Variants in OCA2 observed in about 807,000 individuals in gnomAD.
OCA2 encodes P protein.
A neutral mutation model predicts 100.2 loss-of-function variants in OCA2; 77 were observed. The observed-to-expected ratio is 0.77, with a 90% CI of 0.64 to 0.93. OCA2 has a LOEUF of 0.93. Among genes scored for constraint, OCA2 ranks in the 40% least tolerant of loss-of-function variants. The probability of loss-of-function intolerance (pLI) is 0.00; values close to 1 mark genes in which losing one functional copy is unlikely to be tolerated. For synonymous variants in OCA2, 432 were observed against 439.2 expected (o/e 0.98, Z 0.21); for missense variants, 1,062 against 1,089.1 (o/e 0.98, Z 0.35).
the OCA2 span, among the ~76,000 whole-genome samples, chr15:27,748,480 C>T: frequency 6.6e-6 from 1 of 152,322 alleles, no homozygotes; most frequent in African/African-American, 2.4e-5. Flanking sequence ...ATGGCATCAG[C>T]TCCCAAAACT....
intron 11 of OCA2, among the ~76,000 whole-genome samples, chr15:27,989,317 A>ATT (rs3214781): frequency 2.0e-4 from 30 of 151,982 alleles, no homozygotes; most frequent in African/African-American, 2.7e-4. Context: ...GGGATAGTCC[A>ATT]TTTTTTTTAT....
At chr15:28,003,342 G>A (rs946993646) in intron 9 of OCA2, among the ~76,000 whole-genome samples, 4 of 152,206 alleles carry the variant, frequency 2.6e-5, no homozygotes, top group African/African-American at 9.7e-5. Context: ...CTGCTTTCGC[G>A]TGACTGTATC....
intron 18 of OCA2, among the ~76,000 whole-genome samples, chr15:27,929,732 CATCT>C (rs1340558301): frequency 6.6e-5 from 10 of 151,514 alleles, no homozygotes; most frequent in African/African-American, 2.4e-4. Context: ...ATTTCCAAAT[CATCT>C]ATCTGATAAA....
At chr15:28,027,211 C>T (rs921532912) in intron 4 of OCA2, among the ~76,000 whole-genome samples, 1 of 152,218 alleles carries the variant, frequency 6.6e-6, no homozygotes, top group East Asian at 1.9e-4. Flanking sequence ...CATGCGCGCC[C>T]TAGGCCTACA....
chr15:27,726,156 G>T, the OCA2 span, among the ~76,000 whole-genome samples: 1 of 151,828 alleles, frequency 6.6e-6, no homozygotes, highest in Non-Finnish European at 1.5e-5. Flanking sequence ...AAAATAGCTG[G>T]GCGTGGTGGC....
rs143792628 is a variant in OCA2 at position 27,862,297 on chromosome 15, C to G, written c.2244+8857G>C. On this transcript the variant is annotated intron_variant, in intron 21 of 23. Transcript: ENST00000354638. ...GTCAGCCTCAAGTCCTCACAGAAAG[C>G]GTGGTCATCAGCCTCGAGTCCTCAC... 1.1e-3 allele frequency among the ~76,000 whole-genome samples: 173 copies of G among 152,224 alleles called. 1 individual carries two copies. Among genetic ancestry groups the G allele is most frequent in the African/African-American group, 3.7e-3 (153 of 41,508 alleles).
chr15:27,783,492 G>A (rs184372348), intron 23 of OCA2, among the ~76,000 whole-genome samples: 1 of 152,284 alleles, frequency 6.6e-6, no homozygotes, highest in East Asian at 1.9e-4. Context: ...TGGAAGTGAG[G>A]TGTTGATGCA....
chr15:28,033,998 A>G (rs1405145614), intron 2 of OCA2, among the ~76,000 whole-genome samples: 2 of 152,124 alleles, frequency 1.3e-5, no homozygotes, highest in African/African-American at 2.4e-5. Flanking sequence ...CATGCAATGT[A>G]GATTAAAAGA....
At chr15:27,921,528 C>T (rs1334619208) in intron 19 of OCA2, among the ~76,000 whole-genome samples, 1 of 150,160 alleles carries the variant, frequency 6.7e-6, no homozygotes, top group Non-Finnish European at 1.5e-5. Flanking sequence ...TACACACAAA[C>T]ACACACACAC....
intron 2 of OCA2, among the ~76,000 whole-genome samples, chr15:28,070,565 G>A (rs2044222813): frequency 2.1e-5 from 3 of 146,270 alleles, no homozygotes; most frequent in Admixed American, 6.7e-5. Flanking sequence ...CGCCCGGCCA[G>A]CCGCCCCGTC....
the OCA2 span, among the ~76,000 whole-genome samples, chr15:27,733,228 T>C: frequency 6.6e-6 from 1 of 152,228 alleles, no homozygotes; most frequent in Admixed American, 6.5e-5. Flanking sequence ...AAAGTTCATA[T>C]CTTCTTTCAG....
At chr15:27,849,916 C>T (rs749465655) in intron 22 of OCA2, among the ~76,000 whole-genome samples, 2 of 152,164 alleles carry the variant, frequency 1.3e-5, no homozygotes. Flanking sequence ...CCCAACACAA[C>T]TGCACTCCTG....
chr15:28,055,732 C>G (rs112725723), intron 2 of OCA2, among the ~76,000 whole-genome samples: 2 of 152,188 alleles, frequency 1.3e-5, no homozygotes, highest in African/African-American at 4.8e-5. Context: ...GCTCCCTCAC[C>G]TGCAGCCTCC....
intron 19 of OCA2, among the ~76,000 whole-genome samples, chr15:27,884,966 G>A (rs1041053637): frequency 6.9e-6 from 1 of 144,324 alleles, no homozygotes; most frequent in Non-Finnish European, 1.5e-5. Flanking sequence ...GAGGACAACC[G>A]TGCCCTTCAC....
intron 14 of OCA2, among the ~76,000 whole-genome samples, chr15:27,976,702 T>C (rs1278654143): frequency 1.3e-5 from 2 of 152,212 alleles, no homozygotes; most frequent in Non-Finnish European, 2.9e-5. Flanking sequence ...TATCTATAGT[T>C]GCCTTTTCTC....
intron 1 of OCA2, among the ~76,000 whole-genome samples, chr15:28,086,087 G>T (rs2044771534): frequency 1.3e-5 from 2 of 152,136 alleles, no homozygotes; most frequent in Admixed American, 6.5e-5. Context: ...GTTGCTGAGT[G>T]CTAGGGAGTT....
chr15:27,941,750 G>A (rs574271761), intron 18 of OCA2, among the ~76,000 whole-genome samples: 12 of 152,262 alleles, frequency 7.9e-5, no homozygotes, highest in Admixed American at 5.9e-4. Context: ...ATTCAAATGG[G>A]CAAAAATGCT....
intron 14 of OCA2, among the ~76,000 whole-genome samples, chr15:27,968,470 G>C (rs777970735): frequency 2.6e-4 from 40 of 152,254 alleles, no homozygotes; most frequent in Middle Eastern, 6.8e-3. Context: ...TCCCACGTTG[G>C]GAGTTTGGAA....
chr15:27,744,532 T>C, the OCA2 span, among the ~76,000 whole-genome samples: 1 of 152,184 alleles, frequency 6.6e-6, no homozygotes, highest in Non-Finnish European at 1.5e-5. Flanking sequence ...GGTTTCTCTG[T>C]TAAAATTCCA....
Sources: gnomAD v4.1 joint callset for allele counts (sites outside exome capture counted in the v4.1 genomes callset) on GRCh38, gnomAD v4.1.1 for gene constraint, MANE v1.5 for transcripts, NCBI Gene and HGNC (gene_info 2026-07-23, HGNC 2026-07-21) for gene names.